PPP2R5C: variants seen among roughly 807,000 people sequenced by gnomAD.
PPP2R5C encodes serine/threonine-protein phosphatase 2A 56 kDa regulatory subunit gamma isoform.
A neutral mutation model predicts 68.9 loss-of-function variants in PPP2R5C; 7 were observed. That is an observed-to-expected ratio of 0.10 (90% confidence interval 0.06 to 0.19). PPP2R5C has a LOEUF of 0.19. Among genes scored for constraint, PPP2R5C ranks in the 10% least tolerant of loss-of-function variants. The probability of loss-of-function intolerance (pLI) is 1.00; values close to 1 mark genes in which losing one functional copy is unlikely to be tolerated. For missense variants in PPP2R5C, 348 were observed against 641.3 expected (o/e 0.54, Z 4.94); for synonymous variants, 210 against 222.2 (o/e 0.95, Z 0.49).
intron 3 of PPP2R5C, among the ~76,000 whole-genome samples, chr14:101,794,943 T>C (rs1364377592): frequency 6.6e-6 from 1 of 152,204 alleles, no homozygotes; most frequent in East Asian, 1.9e-4. Context: ...TGTTTATAAT[T>C]GTAAACTCAC....
In PPP2R5C at chr14:101,797,280, T is replaced by G. The variant is rs140143468; in HGVS notation, c.259+11097T>G. ...AGGCTGATGCCATCCTTCAGTGATG[T>G]GTGGACGGACACATTCCGCGTATCC... On this transcript the variant is annotated intron_variant, in intron 3 of 14. Transcript: ENST00000328724. This position sits in a 1 kb window ranked among gnomAD's most constrained non-coding sequence, Gnocchi z 4.2. 96 of 456,096 alleles carry G rather than the reference T, an allele frequency of 2.1e-4. 1 individual carries two copies. The highest frequency in any genetic ancestry group is 1.5e-3 in the East Asian group (22 of 14,398). The allele number at this position is 456,096 out of a possible 1,614,324, so 28.3% of individuals were successfully genotyped here.
chr14:101,824,065 A>G (rs1484322493), intron 1 of PPP2R5C: 1 of 1,289,190 alleles, frequency 7.8e-7, no homozygotes, highest in Non-Finnish European at 1.0e-6. Flanking sequence ...TGTTGAAGGA[A>G]CAGACTCCAG....
Position 101,835,768 on chromosome 14 carries a change from G to A in PPP2R5C, c.95-20918G>A, listed in dbSNP as rs374135496. On this transcript the variant is annotated intron_variant, in intron 1 of 13. Transcript: ENST00000334743. The surrounding 1 kb of genome is among the most constrained non-coding windows in gnomAD (Gnocchi z 5.0). The stretch of plus-strand genomic sequence containing the variant: ...GCCTGCACAGCCGTCCCCTCACGGG[G>A]TGCCTCTTGCCCTTGCAGATCACCA... 3.3e-5 allele frequency among the ~76,000 whole-genome samples: 5 copies of A among 152,150 alleles called. No individual in the cohort carries two copies. The highest frequency in any genetic ancestry group is 7.3e-5 in the Non-Finnish European group (5 of 68,034).
At chr14:101,785,842 T>C (rs2038066087) in intron 2 of PPP2R5C, among the ~76,000 whole-genome samples, 176 bp from the exon 3 acceptor site, 1 of 152,230 alleles carries the variant, frequency 6.6e-6, no homozygotes, top group Admixed American at 6.5e-5. Context: ...CAGTCTAATA[T>C]TGCTGAAGGT....
intron 2 of PPP2R5C, among the ~76,000 whole-genome samples, chr14:101,869,931 C>T (rs1479475507): frequency 6.6e-6 from 1 of 151,834 alleles, no homozygotes; most frequent in Non-Finnish European, 1.5e-5. Flanking sequence ...GGATTCCAGG[C>T]GTGAGCCACC....
At chr14:101,810,166 C>A in intron 1 of PPP2R5C, 1 of 844,598 alleles carries the variant, frequency 1.2e-6, no homozygotes, top group Non-Finnish European at 1.9e-6. Flanking sequence ...CAGACTTAAC[C>A]AGAGGAGGTT....
rs1944614368 is a variant in PPP2R5C, at chr14:101,797,461, A to G, written c.259+11278A>G. 2 of 364,968 alleles carry G rather than the reference A, an allele frequency of 5.5e-6. No homozygotes were observed. The highest frequency in any genetic ancestry group is 9.5e-4 in the Middle Eastern group (1 of 1,054). 22.6% of individuals were successfully genotyped at this position (364,968 alleles called of 1,614,324 possible). On this transcript the variant is annotated intron_variant, in intron 3 of 14. Transcript: ENST00000328724. This position sits in a 1 kb window ranked among gnomAD's most constrained non-coding sequence, Gnocchi z 4.2. ...CAGTGTGTCTCCTGAAGGAATGAAA[A>G]GCCCTCCTGGCCCCTCTGCCCTCTT...
intron 2 of PPP2R5C, among the ~76,000 whole-genome samples, chr14:101,764,548 C>T (rs929572534): frequency 2.6e-5 from 4 of 152,308 alleles, no homozygotes; most frequent in East Asian, 3.9e-4. Flanking sequence ...CCCTCCTCTT[C>T]AGCAGGTGGT....
intron 1 of PPP2R5C, chr14:101,843,306 T>G (rs1379832886): frequency 1.2e-5 from 2 of 168,492 alleles, no homozygotes; most frequent in African/African-American, 2.4e-5. Context: ...TAGGGAAAGT[T>G]CTCATTCTGC....
At chr14:101,905,657 CAAAA>C (rs908953650) in intron 9 of PPP2R5C, among the ~76,000 whole-genome samples, 1 of 141,020 alleles carries the variant, frequency 7.1e-6, no homozygotes, top group African/African-American at 2.6e-5. Flanking sequence ...AAATCCATCT[CAAAA>C]AAAAAAAAGA....
exon 14 of PPP2R5C, chr14:101,925,382 C>T: frequency 6.8e-7 from 1 of 1,467,134 alleles, no homozygotes; most frequent in Non-Finnish European, 9.0e-7. Context: ...CTTTCTTGGA[C>T]CCCGTTCCGT....
chr14:101,784,137 C>T (rs1464064298), intron 2 of PPP2R5C, among the ~76,000 whole-genome samples: 2 of 152,184 alleles, frequency 1.3e-5, no homozygotes, highest in Admixed American at 6.5e-5. Flanking sequence ...CCTGCTGTTC[C>T]GGGCAGTCTG....
chr14:101,897,972 T>C (rs1198131718), intron 8 of PPP2R5C, among the ~76,000 whole-genome samples: 2 of 150,424 alleles, frequency 1.3e-5, no homozygotes, highest in African/African-American at 2.5e-5. Context: ...CTGGGAAACA[T>C]AGTGAGACCT....
chr14:101,852,688 T>G (rs1287993200), intron 1 of PPP2R5C, among the ~76,000 whole-genome samples: 2 of 152,046 alleles, frequency 1.3e-5, no homozygotes, highest in East Asian at 3.9e-4. Context: ...GCTAGGCTAG[T>G]CTCGAACTCC....
In PPP2R5C at chr14:101,781,788, C is replaced by T. The variant is rs2037709042; in HGVS notation, c.94-4230C>T. Reference sequence around the variant, plus strand: ...TTGCGCGCTCCAACCCTCTGCTTGGCCGCCCGCGAACCGCGCTCTCCCGTT... The same window carrying T: ...TTGCGCGCTCCAACCCTCTGCTTGGTCGCCCGCGAACCGCGCTCTCCCGTT... On this transcript the variant is annotated intron_variant, in intron 2 of 14. Coordinates refer to the PPP2R5C transcript ENST00000328724. This position sits in a 1 kb window ranked among gnomAD's most constrained non-coding sequence, Gnocchi z 6.4. 6.6e-6 allele frequency among the ~76,000 whole-genome samples: 1 copy of T among 151,882 alleles called. No individual in the cohort carries two copies. Among genetic ancestry groups the T allele is most frequent in the Non-Finnish European group, 1.5e-5 (1 of 67,916 alleles).
intron 2 of PPP2R5C, among the ~76,000 whole-genome samples, chr14:101,865,796 A>G (rs902607872): frequency 7.2e-5 from 11 of 152,192 alleles, no homozygotes; most frequent in African/African-American, 2.4e-4. Flanking sequence ...CAAGCCTCCA[A>G]GATTTCTCAG....
At chr14:101,851,008 C>T (rs1160559746) in intron 1 of PPP2R5C, among the ~76,000 whole-genome samples, 3 of 152,198 alleles carry the variant, frequency 2.0e-5, no homozygotes, top group Non-Finnish European at 4.4e-5. Flanking sequence ...AAGATGGCAC[C>T]GTCGCTAAAT....
chr14:101,770,567 TG>T (rs2037091559), intron 2 of PPP2R5C, among the ~76,000 whole-genome samples: 1 of 152,218 alleles, frequency 6.6e-6, no homozygotes, highest in South Asian at 2.1e-4. Context: ...CATAAAATTA[TG>T]GAGTTCCAGA....
At chr14:101,867,214 C>CAAAAAAA (rs796766323) in intron 2 of PPP2R5C, among the ~76,000 whole-genome samples, 1 of 131,990 alleles carries the variant, frequency 7.6e-6, no homozygotes, top group Non-Finnish European at 1.6e-5. Context: ...GAGACTCTGT[C>CAAAAAAA]AAAAAAAAAA....
Sources: gnomAD v4.1 joint callset for allele counts (sites outside exome capture counted in the v4.1 genomes callset) on GRCh38, gnomAD v4.1.1 for gene constraint, Gnocchi (gnomAD v3.1) non-coding constraint, MANE v1.5 for transcripts, NCBI Gene and HGNC (gene_info 2026-07-23, HGNC 2026-07-21) for gene names.